The following IFT88 variants were observed in gnomAD, a reference collection of about 807,000 sequenced individuals.
IFT88 encodes the protein intraflagellar transport protein 88 homolog.
Under a neutral mutation model 119.5 loss-of-function variants are expected in IFT88, and 74 were observed. The observed-to-expected ratio is 0.62, with a 90% CI of 0.51 to 0.75. IFT88 has a LOEUF of 0.75. Among genes scored for constraint, IFT88 ranks in the 30% least tolerant of loss-of-function variants. IFT88 has a pLI of 0.00. For synonymous variants in IFT88, 279 were observed against 316.7 expected, an observed-to-expected ratio of 0.88 and a Z score of 1.26; for missense variants, 961 against 977.7, an observed-to-expected ratio of 0.98 and a Z score of 0.23.
intron 23 of IFT88, among the ~76,000 whole-genome samples, chr13:20,664,474 A>C (rs2054320419): frequency 6.6e-6 from 1 of 152,116 alleles, no homozygotes; most frequent in South Asian, 2.1e-4. Flanking sequence ...AGACAGACTC[A>C]CTCTCAGCCC....
chr13:20,636,394 A>G (rs1363271373), intron 16 of IFT88, among the ~76,000 whole-genome samples: 1 of 152,200 alleles, frequency 6.6e-6, no homozygotes, highest in Non-Finnish European at 1.5e-5. Flanking sequence ...TGGTTCTTCT[A>G]TATTTTCTCT....
At chr13:20,586,673 C>A (rs995492202) in intron 3 of IFT88, among the ~76,000 whole-genome samples, 1 of 152,158 alleles carries the variant, frequency 6.6e-6, no homozygotes, top group Non-Finnish European at 1.5e-5. Flanking sequence ...AAATAATGGT[C>A]TTCCCCTCAG....
chr13:20,648,031 A>T (rs752961633), intron 20 of IFT88, among the ~76,000 whole-genome samples: 5 of 152,218 alleles, frequency 3.3e-5, no homozygotes, highest in Admixed American at 6.5e-5. Context: ...CCAGAAAGCA[A>T]TGGAATGATG....
At chr13:20,664,836 T>G (rs960382961) in intron 23 of IFT88, among the ~76,000 whole-genome samples, 1 of 152,108 alleles carries the variant, frequency 6.6e-6, no homozygotes, top group Admixed American at 6.5e-5. Context: ...TCCCAGCACT[T>G]TGGGAGGCCA....
chr13:20,602,206 C>CA (rs2042704621), intron 12 of IFT88, among the ~76,000 whole-genome samples: 1 of 118,186 alleles, frequency 8.5e-6, no homozygotes. Context: ...AGCATAATAT[C>CA]TTTTTTTTTT....
chr13:20,677,175 A>G (rs1201100433), intron 24 of IFT88, among the ~76,000 whole-genome samples: 1 of 152,180 alleles, frequency 6.6e-6, no homozygotes, highest in African/African-American at 2.4e-5. Flanking sequence ...GTCCCTCCAG[A>G]GTCTCCCTCT....
At chr13:20,609,060 T>C (rs1182776426) in intron 13 of IFT88, among the ~76,000 whole-genome samples, 1 of 152,166 alleles carries the variant, frequency 6.6e-6, no homozygotes, top group Non-Finnish European at 1.5e-5. Flanking sequence ...TCTGAGGATG[T>C]TGCATTTTTC....
At chr13:20,667,334 A>C (rs2054879142) in intron 23 of IFT88, among the ~76,000 whole-genome samples, 1 of 152,138 alleles carries the variant, frequency 6.6e-6, no homozygotes, top group African/African-American at 2.4e-5. Context: ...ACAAGTGTTT[A>C]CTGTGCTCCT....
At chr13:20,606,842 C>T (rs557285478) in intron 13 of IFT88, among the ~76,000 whole-genome samples, 1 of 152,248 alleles carries the variant, frequency 6.6e-6, no homozygotes, top group Non-Finnish European at 1.5e-5. Context: ...GATAGTGCTA[C>T]TGCACTCCAG....
At chr13:20,607,663 A>G (rs2043744396) in intron 13 of IFT88, 1 of 882,342 alleles carries the variant, frequency 1.1e-6, no homozygotes, top group Non-Finnish European at 1.9e-6. Flanking sequence ...TGGACCTCTC[A>G]GCTTTCCTGG....
At chr13:20,632,326 A>AT (rs1266851653) in intron 16 of IFT88, among the ~76,000 whole-genome samples, 1 of 152,146 alleles carries the variant, frequency 6.6e-6, no homozygotes, top group Non-Finnish European at 1.5e-5. Context: ...GAAGAAGCCT[A>AT]TAAGAGCTTT....
intron 1 of IFT88, among the ~76,000 whole-genome samples, chr13:20,570,038 CAAAAAA>C (rs71077721): frequency 2.2e-5 from 3 of 133,920 alleles, no homozygotes; most frequent in Non-Finnish European, 4.8e-5. Context: ...GATTCCGTCT[CAAAAAA>C]AAAAAAAAAT....
At chr13:20,656,248 C>A in intron 21 of IFT88, 117 bp from the exon 22 acceptor site, 4 of 341,728 alleles carry the variant, frequency 1.2e-5, no homozygotes, top group Non-Finnish European at 1.6e-5. Flanking sequence ...GTATATAAAA[C>A]ATGAAACCTT....
intron 14 of IFT88, among the ~76,000 whole-genome samples, chr13:20,616,468 T>C (rs1488930295): frequency 6.6e-6 from 1 of 152,184 alleles, no homozygotes; most frequent in African/African-American, 2.4e-5. Flanking sequence ...ATACTTACCA[T>C]TGTGTTATAT....
At chr13:20,567,787 T>C (rs2035196073) in intron 1 of IFT88, 1 of 1,344,988 alleles carries the variant, frequency 7.4e-7, no homozygotes. Flanking sequence ...AAACGTGAAG[T>C]ACTGTTGTCC....
chr13:20,661,684 G>A, intron 22 of IFT88, among the ~76,000 whole-genome samples: 1 of 151,400 alleles, frequency 6.6e-6, no homozygotes, highest in Non-Finnish European at 1.5e-5. Flanking sequence ...GCAGTGAGCT[G>A]ATATTGCGCC....
At chr13:20,605,532 C>A (rs1305360796) in intron 13 of IFT88, among the ~76,000 whole-genome samples, 5 of 152,158 alleles carry the variant, frequency 3.3e-5, no homozygotes, top group African/African-American at 1.2e-4. Flanking sequence ...TTCATTTCTT[C>A]CTTCCTCTAA....
At chr13:20,657,089 G>A (rs1157892679) in intron 22 of IFT88, among the ~76,000 whole-genome samples, 4 of 152,128 alleles carry the variant, frequency 2.6e-5, no homozygotes, top group East Asian at 1.9e-4. Context: ...AACTCCTGAC[G>A]TTGTGATCCG....
Position 20,671,001 on chromosome 13 carries a change from G to A in IFT88, c.2204G>A (p.Gly735Glu), listed in dbSNP as rs953011390. 1 of 1,613,940 alleles carries A rather than the reference G, an allele frequency of 6.2e-7. No individual in the cohort carries two copies. Among genetic ancestry groups the A allele is most frequent in the Non-Finnish European group, 8.5e-7 (1 of 1,179,918 alleles). The change falls in exon 24 of 26, where the codon GGG (glycine) becomes GAG (glutamate). Residue 735 changes from glycine to glutamate, a missense_variant. Transcript: ENST00000351808. ...QRIKSGRDGS[G>E]GSRGKREGSA... Reference sequence around the variant, plus strand: ...ATAAAGTCAGGCAGAGATGGCAGTGGGGGCTCCCGTGGCAAAAGAGAAGGA... The same window carrying A: ...ATAAAGTCAGGCAGAGATGGCAGTGAGGGCTCCCGTGGCAAAAGAGAAGGA...
Sources: allele counts gnomAD v4.1 joint callset (sites outside exome capture counted in the v4.1 genomes callset), GRCh38; gene constraint gnomAD v4.1.1; transcripts MANE v1.5; gene names NCBI Gene and HGNC (gene_info 2026-07-23, HGNC 2026-07-21).